Variants in DOCK3 observed in about 807,000 individuals in gnomAD.
DOCK3 encodes the protein dedicator of cytokinesis protein 3.
A neutral mutation model predicts 265.6 loss-of-function variants in DOCK3; 60 were observed. That is an observed-to-expected ratio of 0.23 (90% confidence interval 0.18 to 0.28). The LOEUF is 0.28. Ranked by LOEUF, DOCK3 falls within the 10% of genes least tolerant of loss-of-function variation. The pLI, the probability that DOCK3 is intolerant of heterozygous loss-of-function variation, is 1.00. For synonymous variants in DOCK3, 881 were observed against 938.0 expected (o/e 0.94, Z 1.11); for missense variants, 1,981 against 2,594.3 (o/e 0.76, Z 5.14).
At chr3:51,277,202 A>G (rs951333179) in intron 25 of DOCK3, among the ~76,000 whole-genome samples, 1 of 152,224 alleles carries the variant, frequency 6.6e-6, no homozygotes, top group Non-Finnish European at 1.5e-5. Context: ...CACACCCTGT[A>G]GTGTGAATTT....
At chr3:51,237,358 C>G (rs577651239) in intron 20 of DOCK3, 132 bp from the exon 21 acceptor site, 17 of 721,266 alleles carry the variant, frequency 2.4e-5, no homozygotes, top group Non-Finnish European at 3.5e-5. Context: ...CTTACATTCA[C>G]TACCCATGGG....
chr3:51,052,294 C>T (rs556059706), intron 5 of DOCK3, among the ~76,000 whole-genome samples: 4 of 152,176 alleles, frequency 2.6e-5, no homozygotes, highest in South Asian at 4.1e-4. Flanking sequence ...TCGCTTGAAC[C>T]TGGGAGTTCA....
chr3:50,712,942 GC>G (rs1282683124), intron 1 of DOCK3, among the ~76,000 whole-genome samples: 1 of 152,220 alleles, frequency 6.6e-6, no homozygotes, highest in East Asian at 1.9e-4. Context: ...TGTCTCTTAG[GC>G]CTAAAACAGA....
intron 5 of DOCK3, among the ~76,000 whole-genome samples, chr3:50,977,203 T>G (rs2077485064): frequency 6.6e-6 from 1 of 151,790 alleles, no homozygotes. Context: ...TAGCTGGTTA[T>G]TTTGCTCATT....
Position 51,310,217 on chromosome 3 carries a change from T to C in DOCK3, c.2923-15T>C, listed in dbSNP as rs752894953. 3.2e-6 allele frequency: 5 copies of C among 1,583,324 alleles called. No homozygotes were observed. The highest frequency in any genetic ancestry group is 2.7e-5 in the African/African-American group (2 of 74,536). ...GTGGTGGTGGTGTCTCACATCAGCTTTCCTCTGCTGTCAGGAATTTCTGCT... is the reference window on the plus strand; with the variant it reads ...GTGGTGGTGGTGTCTCACATCAGCTCTCCTCTGCTGTCAGGAATTTCTGCT... On this transcript the variant is annotated splice_polypyrimidine_tract_variant and intron_variant, in intron 27 of 52. Coordinates refer to ENST00000266037, the MANE Select transcript of DOCK3 (RefSeq NM_004947.5).
intron 14 of DOCK3, among the ~76,000 whole-genome samples, chr3:51,216,787 G>A (rs991635138): frequency 6.6e-6 from 1 of 152,202 alleles, no homozygotes; most frequent in African/African-American, 2.4e-5. Flanking sequence ...TTACATTGTG[G>A]TCAGCCTGTC....
intron 2 of DOCK3, among the ~76,000 whole-genome samples, chr3:50,804,278 C>T (rs1400368755): frequency 6.6e-6 from 1 of 151,976 alleles, no homozygotes; most frequent in Non-Finnish European, 1.5e-5. Flanking sequence ...CAGAGGGGCT[C>T]CTCACATCCC....
intron 25 of DOCK3, among the ~76,000 whole-genome samples, chr3:51,275,750 T>A (rs187062422): frequency 6.6e-6 from 1 of 152,158 alleles, no homozygotes; most frequent in Admixed American, 6.5e-5. Context: ...TCAACTGATA[T>A]TGCTTTTACC....
intron 2 of DOCK3, among the ~76,000 whole-genome samples, chr3:50,799,226 G>A (rs907775369): frequency 6.6e-6 from 1 of 152,072 alleles, no homozygotes; most frequent in Non-Finnish European, 1.5e-5. Context: ...CCAATTTTAG[G>A]ATATTCCCCC....
chr3:50,889,944 A>G, intron 3 of DOCK3, 82 bp from the exon 4 acceptor site: 1 of 1,140,576 alleles, frequency 8.8e-7, no homozygotes, highest in Non-Finnish European at 1.2e-6. Flanking sequence ...TTCTGTGCTG[A>G]AATCTGATTG....
At chr3:50,998,493 G>A (rs2078359832) in intron 5 of DOCK3, among the ~76,000 whole-genome samples, 1 of 152,140 alleles carries the variant, frequency 6.6e-6, no homozygotes, top group Non-Finnish European at 1.5e-5. Flanking sequence ...TGGAAAGGTG[G>A]GAGGGAGACA....
chr3:51,273,794 C>T (rs543841187), intron 24 of DOCK3, among the ~76,000 whole-genome samples: 2 of 152,302 alleles, frequency 1.3e-5, no homozygotes, highest in African/African-American at 4.8e-5. Flanking sequence ...AATGCCATGG[C>T]TTGTTTGTGT....
chr3:51,024,153 G>T (rs1200997002), intron 5 of DOCK3, among the ~76,000 whole-genome samples: 1 of 151,996 alleles, frequency 6.6e-6, no homozygotes, highest in Non-Finnish European at 1.5e-5. Context: ...GAGTTCCTTT[G>T]TTATAGAAAG....
chr3:50,699,452 C>CT (rs2035882701), intron 1 of DOCK3, among the ~76,000 whole-genome samples: 2 of 82,810 alleles, frequency 2.4e-5, no homozygotes, highest in African/African-American at 8.9e-5. Flanking sequence ...TGTTGTTGGG[C>CT]ATTTTTTTTT....
intron 3 of DOCK3, 29 bp downstream of exon 3, chr3:50,841,744 T>TTTTTCTTTTTCTTTTTTTTTTTTTTGAG: frequency 1.9e-6 from 1 of 520,346 alleles, no homozygotes; most frequent in Non-Finnish European, 3.1e-6. Context: ...TTACCTTTTC[T>TTTTTCTTTTTCTTTTTTTTTTTTTTGAG]AATGTAGGAA....
chr3:50,816,191 A>G (rs748667641), intron 2 of DOCK3, among the ~76,000 whole-genome samples: 1 of 152,054 alleles, frequency 6.6e-6, no homozygotes, highest in Non-Finnish European at 1.5e-5. Context: ...ACAGGTATGT[A>G]CTATTTTTCC....
At chr3:50,788,530 C>A (rs2108584660) in intron 2 of DOCK3, among the ~76,000 whole-genome samples, 1 of 152,320 alleles carries the variant, frequency 6.6e-6, no homozygotes, top group Non-Finnish European at 1.5e-5. Flanking sequence ...GGACTTGGTG[C>A]ATCTTATCTG....
chr3:50,744,681 C>T lies in DOCK3; in HGVS notation c.38-33994C>T, dbSNP rs372454292. On this transcript the variant is annotated intron_variant, in intron 1 of 52. Transcript: ENST00000266037. Reference sequence around the variant, plus strand: ...AACTCCTGGGCTCAAGCGATCTGCCCGCCTTGGCCTCCCAAAGTGTTGGGG... The same window carrying T: ...AACTCCTGGGCTCAAGCGATCTGCCTGCCTTGGCCTCCCAAAGTGTTGGGG... Among the ~76,000 whole-genome samples, 22 of 152,288 alleles carry T rather than the reference C, an allele frequency of 1.4e-4. No individual in the cohort carries two copies. In the East Asian group the frequency reaches 2.9e-3, roughly 20 times the overall value.
intron 1 of DOCK3, among the ~76,000 whole-genome samples, chr3:50,729,702 T>A (rs2038073234): frequency 6.6e-6 from 1 of 152,040 alleles, no homozygotes; most frequent in South Asian, 2.1e-4. Flanking sequence ...AATTTTTTTT[T>A]AATAGATGGG....
Sources: gnomAD v4.1 joint callset for allele counts (sites outside exome capture counted in the v4.1 genomes callset) on GRCh38, gnomAD v4.1.1 for gene constraint, MANE v1.5 for transcripts, NCBI Gene and HGNC (gene_info 2026-07-23, HGNC 2026-07-21) for gene names.